The following LY6S variants were observed in gnomAD, a reference collection of about 807,000 sequenced individuals.
LY6S encodes the protein lymphocyte antigen 6S.
At chr8:143,049,398 A>G in the LY6S span, 2 of 425,412 alleles carry the variant, frequency 4.7e-6, no homozygotes, top group Non-Finnish European at 9.7e-6. Context: ...TGTGAGCTTC[A>G]TCGCCATCCC....
chr8:143,043,866 G>A, the LY6S span, among the ~76,000 whole-genome samples: 7 of 152,168 alleles, frequency 4.6e-5, no homozygotes, highest in African/African-American at 1.7e-4. Context: ...ATAGATACAG[G>A]GTTTCTCCAT....
chr8:143,062,351 A>C, the LY6S span, among the ~76,000 whole-genome samples: 1 of 152,152 alleles, frequency 6.6e-6, no homozygotes, highest in Non-Finnish European at 1.5e-5. Context: ...GATGCAGAAG[A>C]CCTCTACCCT....
the LY6S span, among the ~76,000 whole-genome samples, chr8:143,049,967 C>T: frequency 6.6e-6 from 1 of 152,202 alleles, no homozygotes; most frequent in South Asian, 2.1e-4. Flanking sequence ...CCCTAGGAGT[C>T]CTCCCGAAAC....
chr8:143,058,846 T>C, the LY6S span, among the ~76,000 whole-genome samples: 2 of 152,238 alleles, frequency 1.3e-5, no homozygotes, highest in East Asian at 3.8e-4. Context: ...CTGGTGGCCC[T>C]GTCCGGGCAT....
At chr8:143,043,046 G>A in the LY6S span, 3 of 1,367,876 alleles carry the variant, frequency 2.2e-6, no homozygotes, top group Non-Finnish European at 2.0e-6. Context: ...CAGTGAGGCA[G>A]CTCTTCAAAA....
At chr8:143,061,650 T>C in the LY6S span, among the ~76,000 whole-genome samples, 3 of 152,214 alleles carry the variant, frequency 2.0e-5, no homozygotes, top group African/African-American at 7.2e-5. Context: ...GTTCAAGTAA[T>C]TCTCCTGCCT....
the LY6S span, among the ~76,000 whole-genome samples, chr8:143,065,763 TTTC>T: frequency 1.3e-5 from 2 of 148,674 alleles, no homozygotes; most frequent in South Asian, 4.3e-4. Context: ...TCTTTCTTTC[TTTC>T]TTTTCTCTTT....
chr8:143,075,931 T>C, the LY6S span, among the ~76,000 whole-genome samples: 1 of 152,230 alleles, frequency 6.6e-6, no homozygotes, highest in South Asian at 2.1e-4. This position sits in a 1 kb window ranked among gnomAD's most constrained non-coding sequence, Gnocchi z 4.1. Flanking sequence ...GATGCTTTTG[T>C]TATGAACGTC....
chr8:143,062,025 C>A, the LY6S span, among the ~76,000 whole-genome samples: 1 of 152,150 alleles, frequency 6.6e-6, no homozygotes, highest in Admixed American at 6.5e-5. Flanking sequence ...GTGTCCCATG[C>A]TCAGCCAGGC....
At chr8:143,073,702 C>T in the LY6S span, among the ~76,000 whole-genome samples, 3 of 132,718 alleles carry the variant, frequency 2.3e-5, 1 homozygote, top group African/African-American at 6.4e-5. Context: ...CAGCCGTTGT[C>T]CCCAGGGCTC....
the LY6S span, among the ~76,000 whole-genome samples, chr8:143,072,176 G>A: frequency 0.15 from 21,118 of 137,644 alleles, 2,821 homozygotes; most frequent in African/African-American, 0.3. Context: ...TCTGGCTTCC[G>A]AAGTTCCTGT....
chr8:143,064,752 T>C, the LY6S span, among the ~76,000 whole-genome samples: 4 of 152,190 alleles, frequency 2.6e-5, no homozygotes, highest in African/African-American at 9.7e-5. Context: ...AGTATACAGG[T>C]TAGCTACAGT....
the LY6S span, chr8:143,043,108 G>A: frequency 7.3e-7 from 1 of 1,367,616 alleles, no homozygotes; most frequent in Non-Finnish European, 9.8e-7. Flanking sequence ...GGGGGAGAGG[G>A]CGGGAAAGGC....
the LY6S span, chr8:143,057,799 A>T: frequency 1.3e-6 from 1 of 776,554 alleles, no homozygotes; most frequent in Non-Finnish European, 2.4e-6. Flanking sequence ...TTCTTGAAAA[A>T]CCATCAACAG....
At chr8:143,051,229 C>T in the LY6S span, among the ~76,000 whole-genome samples, 1 of 152,164 alleles carries the variant, frequency 6.6e-6, no homozygotes, top group Non-Finnish European at 1.5e-5. Flanking sequence ...TGCCCATTCT[C>T]TTGACGTAAA....
chr8:143,072,722 G>C, the LY6S span, among the ~76,000 whole-genome samples: 5 of 119,658 alleles, frequency 4.2e-5, no homozygotes, highest in African/African-American at 1.2e-4. Context: ...TCGTCCTCGG[G>C]ATTCCTGTTT....
At chr8:143,049,295 C>T in the LY6S span, 2 of 534,506 alleles carry the variant, frequency 3.7e-6, no homozygotes, top group Non-Finnish European at 3.8e-6. Flanking sequence ...CACCTTTCGG[C>T]TAGGTGAGCT....
the LY6S span, among the ~76,000 whole-genome samples, chr8:143,073,773 C>T: frequency 4.7e-5 from 6 of 127,156 alleles, no homozygotes; most frequent in Admixed American, 1.8e-4. Flanking sequence ...CCATCGTCCC[C>T]GGGGTCCCTG....
the LY6S span, among the ~76,000 whole-genome samples, chr8:143,052,721 G>A: frequency 6.6e-6 from 1 of 152,110 alleles, no homozygotes; most frequent in African/African-American, 2.4e-5. Flanking sequence ...CGTGGAGGCC[G>A]CAATCCTCCG....
Sources: gnomAD v4.1 joint callset for allele counts (sites outside exome capture counted in the v4.1 genomes callset) on GRCh38, gnomAD v4.1.1 for gene constraint, Gnocchi (gnomAD v3.1) non-coding constraint, MANE v1.5 for transcripts, NCBI Gene and HGNC (gene_info 2026-07-23, HGNC 2026-07-21) for gene names.